Variants in RANBP2 observed in about 807,000 individuals in gnomAD.
The protein encoded by RANBP2 is RAN binding protein 2.
In RANBP2, 57 loss-of-function variants were observed where a neutral mutation model predicts 303.6. That is an observed-to-expected ratio of 0.19 (90% CI 0.15 to 0.23). The LOEUF (loss-of-function observed/expected upper bound fraction) is 0.23. Among genes scored for constraint, RANBP2 ranks in the 10% least tolerant of loss-of-function variants. The pLI, the probability that RANBP2 is intolerant of heterozygous loss-of-function variation, is 1.00. For missense variants in RANBP2, 3,138 were observed against 3,780.8 expected (o/e 0.83, Z 4.46); for synonymous variants, 1,167 against 1,301.5 (o/e 0.90, Z 2.23).
At chr2:109,658,303 C>T in the RANBP2 span, among the ~76,000 whole-genome samples, 1 of 146,016 alleles carries the variant, frequency 6.8e-6, no homozygotes, top group South Asian at 2.1e-4. Flanking sequence ...AAAAATTAGC[C>T]AGGCATGGTG....
the RANBP2 span, among the ~76,000 whole-genome samples, chr2:109,750,750 G>A: frequency 1.1e-3 from 95 of 89,426 alleles, 11 homozygotes; most frequent in African/African-American, 3.8e-3. Flanking sequence ...TCGAGTCAGA[G>A]TCTTGTTCTG....
the RANBP2 span, among the ~76,000 whole-genome samples, chr2:109,474,734 G>A: frequency 1.3e-5 from 2 of 152,188 alleles, no homozygotes; most frequent in Non-Finnish European, 2.9e-5. Context: ...AGGAAACAGT[G>A]GGGCAGAGCC....
At position 108,729,121 on chromosome 2, in the gene RANBP2, A is replaced by T. The variant is rs536459426; in HGVS notation, c.73-11A>T. The T allele has an allele frequency of 3.2e-6, 5 of 1,569,198 alleles. No individual in the cohort carries two copies. Among genetic ancestry groups the T allele is most frequent in the East Asian group, 4.5e-5 (2 of 44,258 alleles). On this transcript the variant is annotated splice_polypyrimidine_tract_variant and intron_variant, in intron 1 of 28. Transcript: ENST00000283195. ...TGTATGAAAAGTAAAACAACTTTTAATTTTTTTTAGAAGTCAATGAAAGGA... is the reference window on the plus strand; with the variant it reads ...TGTATGAAAAGTAAAACAACTTTTATTTTTTTTTAGAAGTCAATGAAAGGA...
chr2:109,613,114 T>C, the RANBP2 span: 34 of 1,190,236 alleles, frequency 2.9e-5, no homozygotes, highest in Middle Eastern at 2.2e-4. Context: ...CTCCATACCA[T>C]GTAGCCTTTG....
the RANBP2 span, among the ~76,000 whole-genome samples, chr2:109,726,775 G>A: frequency 3.9e-5 from 6 of 152,192 alleles, no homozygotes; most frequent in South Asian, 2.1e-4. Flanking sequence ...CCGGCCCACC[G>A]CAGGAAATCC....
chr2:109,704,712 G>A, the RANBP2 span, among the ~76,000 whole-genome samples: 2 of 152,022 alleles, frequency 1.3e-5, no homozygotes, highest in African/African-American at 2.4e-5. Flanking sequence ...TTAGCTGGGC[G>A]TGGTGGCAGG....
the RANBP2 span, among the ~76,000 whole-genome samples, chr2:108,849,731 C>T: frequency 1.3e-5 from 2 of 152,228 alleles, no homozygotes. Context: ...AGAGTTCTCC[C>T]TTTCCTTATA....
At chr2:109,440,076 C>G in the RANBP2 span, among the ~76,000 whole-genome samples, 1 of 152,208 alleles carries the variant, frequency 6.6e-6, no homozygotes, top group South Asian at 2.1e-4. Context: ...GAGGAACCAG[C>G]ATGAGCAATG....
At chr2:108,815,973 A>G in the RANBP2 span, 1 of 1,612,902 alleles carries the variant, frequency 6.2e-7, no homozygotes, top group Non-Finnish European at 8.5e-7. Context: ...ATGAACTTTT[A>G]ACTGTCTTCA....
At chr2:108,995,819 G>C in the RANBP2 span, among the ~76,000 whole-genome samples, 5 of 152,136 alleles carry the variant, frequency 3.3e-5, no homozygotes, top group Non-Finnish European at 7.4e-5. Flanking sequence ...ATGACAGCTG[G>C]GTAGACATCA....
chr2:109,615,446 C>T, the RANBP2 span: 1 of 1,613,036 alleles, frequency 6.2e-7, no homozygotes, highest in East Asian at 2.2e-5. Flanking sequence ...AGCTTCTGGC[C>T]ATGCTAGTCA....
chr2:109,618,811 C>T, the RANBP2 span: 1 of 167,000 alleles, frequency 6.0e-6, no homozygotes, highest in Non-Finnish European at 1.5e-5. Context: ...TCACATTTCA[C>T]TTTCATGGTA....
chr2:109,729,865 TG>T, the RANBP2 span, among the ~76,000 whole-genome samples: 1 of 152,132 alleles, frequency 6.6e-6, no homozygotes, highest in African/African-American at 2.4e-5. Flanking sequence ...TCCACATGGC[TG>T]GGGATGCCTC....
At chr2:108,918,246 C>T in the RANBP2 span, among the ~76,000 whole-genome samples, 2 of 152,188 alleles carry the variant, frequency 1.3e-5, no homozygotes. Flanking sequence ...CACCGGCACC[C>T]CCTGCACCTG....
the RANBP2 span, among the ~76,000 whole-genome samples, chr2:109,284,826 G>T: frequency 6.6e-6 from 1 of 152,202 alleles, no homozygotes; most frequent in Non-Finnish European, 1.5e-5. Context: ...TGTGTGTGGG[G>T]TGTGTGTGTT....
At chr2:108,906,629 C>A in the RANBP2 span, among the ~76,000 whole-genome samples, 2 of 152,220 alleles carry the variant, frequency 1.3e-5, no homozygotes, top group African/African-American at 4.8e-5. Flanking sequence ...CTTGGGGACA[C>A]CCCTGGCATC....
chr2:108,921,900 G>C, the RANBP2 span, among the ~76,000 whole-genome samples: 2 of 152,248 alleles, frequency 1.3e-5, no homozygotes, highest in Non-Finnish European at 2.9e-5. Flanking sequence ...CTCCTTCAGG[G>C]CCGGATTCTA....
At chr2:108,903,868 C>A in the RANBP2 span, among the ~76,000 whole-genome samples, 71 of 152,224 alleles carry the variant, frequency 4.7e-4, 1 homozygote, top group African/African-American at 1.6e-3. Context: ...GGGAGCAAAT[C>A]TCTGGGATCT....
At chr2:109,557,688 G>A in the RANBP2 span, among the ~76,000 whole-genome samples, 1 of 151,986 alleles carries the variant, frequency 6.6e-6, no homozygotes, top group African/African-American at 2.4e-5. Flanking sequence ...TTCAAAAGGT[G>A]GTAAAGAAAG....
Sources: allele counts gnomAD v4.1 joint callset (sites outside exome capture counted in the v4.1 genomes callset), GRCh38; gene constraint gnomAD v4.1.1; transcripts MANE v1.5; gene names NCBI Gene and HGNC (gene_info 2026-07-23, HGNC 2026-07-21).